The following LMO7 variants were observed in gnomAD, a reference collection of about 807,000 sequenced individuals.
LMO7 encodes LIM domain only protein 7.
In LMO7, 120 loss-of-function variants were observed where a neutral mutation model predicts 206.5. The ratio of observed to expected loss-of-function variants is 0.58; its 90% CI spans 0.50 to 0.68. LMO7 has a LOEUF of 0.68. LMO7 is among the 30% of genes least tolerant of loss of function. The pLI, the probability that LMO7 is intolerant of heterozygous loss-of-function variation, is 0.00. For missense variants in LMO7, 1,959 were observed against 1,957.9 expected (o/e 1.00, Z -0.01); for synonymous variants, 706 against 681.5 (o/e 1.04, Z -0.56).
Position 75,823,818 on chromosome 13 carries a change from T to A in LMO7, c.2894T>A (p.Met965Lys). ...TLSSTSGLDL[M>K]SESGEGEISP... Reference sequence around the variant, plus strand: ...TCTTCCACATCTGGTCTTGATTTAATGTCTGAATCTGGAGAAGGGGAAATC... The same window carrying A: ...TCTTCCACATCTGGTCTTGATTTAAAGTCTGAATCTGGAGAAGGGGAAATC... The change falls in exon 15 of 31, where the codon ATG (methionine) becomes AAG (lysine). Residue 965 changes from methionine (M) to lysine (K), a missense_variant. Met to Lys is a moderately conservative substitution (Grantham distance 95). Coordinates refer to ENST00000377534, the MANE Select transcript of LMO7 (RefSeq NM_001306080.2). 6.2e-7 allele frequency: 1 copy of A among 1,614,144 alleles called. No individual in the cohort carries two copies. Among genetic ancestry groups the A allele is most frequent in the Non-Finnish European group, 8.5e-7 (1 of 1,179,998 alleles).
upstream of LMO7, among the ~76,000 whole-genome samples, chr13:75,633,284 A>G (rs1042172042): frequency 5.3e-5 from 8 of 152,226 alleles, no homozygotes; most frequent in African/African-American, 1.9e-4. Context: ...GAGATGGTTC[A>G]GTCAGTGGCC....
intron 15 of LMO7, among the ~76,000 whole-genome samples, chr13:75,827,424 A>G (rs1269891218): frequency 6.6e-6 from 1 of 152,264 alleles, no homozygotes; most frequent in South Asian, 2.1e-4. Flanking sequence ...TAGAACAATC[A>G]TAATGAAGGG....
At chr13:75,836,520 C>A in intron 19 of LMO7, 63 bp downstream of exon 19, 2 of 856,230 alleles carry the variant, frequency 2.3e-6, no homozygotes, top group Non-Finnish European at 3.6e-6. Flanking sequence ...TCAAGTTCTG[C>A]TGTTATAAAA....
chr13:75,856,706 C>A, intron 30 of LMO7, 98 bp downstream of exon 30: 3 of 742,390 alleles, frequency 4.0e-6, no homozygotes, highest in Non-Finnish European at 7.3e-6. Context: ...CCTCCAAGTT[C>A]ACTGCCATAG....
chr13:75,634,808 C>T (rs1053543001), upstream of LMO7, among the ~76,000 whole-genome samples: 5 of 151,620 alleles, frequency 3.3e-5, no homozygotes, highest in African/African-American at 1.2e-4. Context: ...CAGTTCGAGA[C>T]CAGCCTGGCC....
At chr13:75,735,155 A>G (rs1489796044) in intron 3 of LMO7, among the ~76,000 whole-genome samples, 1 of 151,812 alleles carries the variant, frequency 6.6e-6, no homozygotes, top group South Asian at 2.1e-4. Context: ...GTATGTACAT[A>G]CACATGGAGC....
At position 75,714,100 on chromosome 13, in the gene LMO7, A is replaced by G. The variant is rs573220395; in HGVS notation, c.140+848A>G. 3.3e-5 allele frequency among the ~76,000 whole-genome samples: 5 copies of G among 152,360 alleles called. No homozygotes were observed. In the South Asian group the frequency reaches 8.3e-4, roughly 25 times the overall value. On this transcript the variant is annotated intron_variant, in intron 2 of 30. Transcript: ENST00000377534. The stretch of plus-strand genomic sequence containing the variant: ...GTCCACATGTAAGCAGTGAGAGTGT[A>G]TACACTAGTACTTAGAGATTTTGAT...
At chr13:75,708,001 C>A (rs190572210) in intron 1 of LMO7, among the ~76,000 whole-genome samples, 2 of 152,112 alleles carry the variant, frequency 1.3e-5, no homozygotes, top group East Asian at 3.9e-4. Flanking sequence ...AAAGGATATT[C>A]TAAATATAAC....
In LMO7 at chr13:75,796,706, AT is replaced by A. The variant is rs771309162; in HGVS notation, c.422del (p.Leu141Ter). On this transcript the variant is annotated frameshift_variant, in exon 6 of 31. Transcript: ENST00000377534. LOFTEE classifies it high-confidence loss of function. ...CCGTACTATAATGGTCCCCATCTTA[AT>A]TTGAAAGCGTTTGAGAATCTTTTAG... ...SNPYYNGPHL[N>X]LKAFENLLGQ... 7.4e-6 allele frequency: 12 copies of A among 1,613,546 alleles called. No homozygotes were observed. The highest frequency in any genetic ancestry group is 1.0e-5 in the Non-Finnish European group (12 of 1,179,702).
chr13:75,848,530 T>C (rs2060196876), intron 26 of LMO7, among the ~76,000 whole-genome samples: 11 of 152,198 alleles, frequency 7.2e-5, no homozygotes, highest in Admixed American at 7.2e-4. Flanking sequence ...GGTTCCACAT[T>C]TTTGCATTGC....
chr13:75,795,765 C>A (rs886782824), intron 5 of LMO7, among the ~76,000 whole-genome samples: 2 of 151,976 alleles, frequency 1.3e-5, no homozygotes, highest in Admixed American at 6.6e-5. Flanking sequence ...TAGAGATGAA[C>A]AATGAGAACG....
At chr13:75,668,087 A>G (rs2039231168) in intron 1 of LMO7, among the ~76,000 whole-genome samples, 1 of 152,156 alleles carries the variant, frequency 6.6e-6, no homozygotes, top group Non-Finnish European at 1.5e-5. Flanking sequence ...GCACGCCTGT[A>G]ATTCTAGCTA....
At position 75,790,479 on chromosome 13, in the gene LMO7, A is replaced by G. The variant is rs1290024274; in HGVS notation, c.318-4922A>G. Among the ~76,000 whole-genome samples, 3 of 152,154 alleles carry G rather than the reference A, an allele frequency of 2.0e-5. No individual in the cohort carries two copies. In the East Asian group the frequency reaches 5.8e-4, roughly 29 times the overall value. ...TCTGAACCCCAAAGTCCCGCACTCAACCAAGCTTCCTCCTCAGGGAACGAC... is the reference window on the plus strand; with the variant it reads ...TCTGAACCCCAAAGTCCCGCACTCAGCCAAGCTTCCTCCTCAGGGAACGAC... On this transcript the variant is annotated intron_variant, in intron 4 of 30. Coordinates refer to ENST00000377534, the MANE Select transcript of LMO7 (RefSeq NM_001306080.2).
At chr13:75,685,174 C>T (rs565066956) in intron 1 of LMO7, among the ~76,000 whole-genome samples, 22 of 152,236 alleles carry the variant, frequency 1.4e-4, no homozygotes, top group East Asian at 9.6e-4. Flanking sequence ...GAGTATCTTT[C>T]GGTTTAGATT....
intron 3 of LMO7, among the ~76,000 whole-genome samples, chr13:75,735,341 G>A (rs1229631016): frequency 1.3e-5 from 2 of 151,626 alleles, no homozygotes. Flanking sequence ...ACCTAAGATT[G>A]GTGGGTTCTG....
chr13:75,703,455 G>C (rs2042423246), intron 1 of LMO7, among the ~76,000 whole-genome samples: 1 of 152,142 alleles, frequency 6.6e-6, no homozygotes, highest in Non-Finnish European at 1.5e-5. Flanking sequence ...CTGATATATA[G>C]AGAACTACCT....
At chr13:75,775,004 A>T (rs542244250) in intron 4 of LMO7, among the ~76,000 whole-genome samples, 10 of 152,238 alleles carry the variant, frequency 6.6e-5, no homozygotes, top group Non-Finnish European at 1.2e-4. Context: ...CAGGGCGAGG[A>T]AGAGAGAATG....
chr13:75,786,120 C>T (rs967620849), intron 4 of LMO7, among the ~76,000 whole-genome samples: 6 of 152,126 alleles, frequency 3.9e-5, no homozygotes, highest in African/African-American at 7.2e-5. Flanking sequence ...CTCCACCTCT[C>T]GATAGTACTG....
At chr13:75,832,027 T>C (rs1047527561) in intron 15 of LMO7, among the ~76,000 whole-genome samples, 1 of 152,154 alleles carries the variant, frequency 6.6e-6, no homozygotes. Context: ...AATGGAGATT[T>C]GGTAGGTCTT....
Sources: allele counts gnomAD v4.1 joint callset (sites outside exome capture counted in the v4.1 genomes callset), GRCh38; gene constraint gnomAD v4.1.1; transcripts MANE v1.5; gene names NCBI Gene and HGNC (gene_info 2026-07-23, HGNC 2026-07-21).